OMA1: variants seen among roughly 807,000 people sequenced by gnomAD.
OMA1 encodes the protein OMA1 zinc metallopeptidase.
In OMA1, 38 loss-of-function variants were observed where a neutral mutation model predicts 30.9. That is an observed-to-expected ratio of 1.23 (90% CI 0.95 to 1.61). The LOEUF (loss-of-function observed/expected upper bound fraction) is 1.61, where lower values mean the gene tolerates loss of function less well. Among genes scored for constraint, OMA1 ranks in the 40% most tolerant of loss-of-function variants. The pLI is 0.00. For synonymous variants in OMA1, 173 were observed against 121.9 expected, an observed-to-expected ratio of 1.42 and a Z score of -2.76; for missense variants, 461 against 349.2, an observed-to-expected ratio of 1.32 and a Z score of -2.55.
intron 8 of OMA1, among the ~76,000 whole-genome samples, chr1:58,482,254 C>T (rs1359873499): frequency 1.3e-5 from 2 of 151,998 alleles, no homozygotes; most frequent in South Asian, 2.1e-4. Flanking sequence ...ATAATTAAGG[C>T]CCAAAATTGA....
intron 5 of OMA1, among the ~76,000 whole-genome samples, chr1:58,533,750 T>A (rs1272281909): frequency 1.3e-5 from 2 of 152,294 alleles, no homozygotes; most frequent in Non-Finnish European, 2.9e-5. Context: ...AGAAAAATAT[T>A]ATTCAGTATC....
chr1:58,542,799 C>T (rs1266105960), intron 1 of OMA1, among the ~76,000 whole-genome samples: 2 of 152,106 alleles, frequency 1.3e-5, no homozygotes, highest in African/African-American at 2.4e-5. Context: ...CAGGCTTAGA[C>T]GGCCACATTC....
At chr1:58,512,617 C>T (rs187053171) in intron 7 of OMA1, among the ~76,000 whole-genome samples, 2 of 152,260 alleles carry the variant, frequency 1.3e-5, no homozygotes, top group Admixed American at 1.3e-4. Flanking sequence ...ACCTTGAGGA[C>T]ATTAAGCTAA....
intron 8 of OMA1, among the ~76,000 whole-genome samples, chr1:58,488,836 T>A (rs1645622973): frequency 6.6e-6 from 1 of 152,260 alleles, no homozygotes; most frequent in Admixed American, 6.5e-5. Context: ...TGCCTTTGCA[T>A]CCTCATAGCT....
rs1381935418 is a variant in OMA1 at position 58,504,408 on chromosome 1, C to T, written c.1365+1652G>A. ...TCCACACAGCTAAAGGACTTGCTCC[C>T]GTGCTTCCTTCCGGATTCTGATTAG... On this transcript the variant is annotated intron_variant, in intron 8 of 8. Coordinates refer to ENST00000371226, the MANE Select transcript of OMA1 (RefSeq NM_145243.5). 2.0e-5 allele frequency among the ~76,000 whole-genome samples: 3 copies of T among 152,300 alleles called. No individual in the cohort carries two copies. In the South Asian group the frequency reaches 6.2e-4, roughly 32 times the overall value.
At chr1:58,534,119 A>T (rs1646479566) in intron 4 of OMA1, 39 bp downstream of exon 4, 3 of 867,902 alleles carry the variant, frequency 3.5e-6, no homozygotes, top group Non-Finnish European at 6.0e-6. Context: ...AAGGACAATA[A>T]ATTTAACAAT....
chr1:58,509,439 T>G (rs934282297), intron 7 of OMA1, among the ~76,000 whole-genome samples: 16 of 150,220 alleles, frequency 1.1e-4, no homozygotes, highest in South Asian at 2.1e-4. Context: ...GAAAATGATT[T>G]TGAGACAAAT....
At chr1:58,482,878 G>A (rs977721184) in intron 8 of OMA1, among the ~76,000 whole-genome samples, 1 of 152,114 alleles carries the variant, frequency 6.6e-6, no homozygotes, top group Non-Finnish European at 1.5e-5. Flanking sequence ...GACCTCACAG[G>A]TCATGCTAAG....
intron 7 of OMA1, among the ~76,000 whole-genome samples, chr1:58,524,268 C>T (rs550449428): frequency 2.0e-5 from 3 of 152,294 alleles, no homozygotes; most frequent in Non-Finnish European, 4.4e-5. Flanking sequence ...TTCTCCTTAA[C>T]GATTTTCTTA....
chr1:58,536,370 G>A (rs1557458284), intron 3 of OMA1, 143 bp downstream of exon 3: 5 of 606,952 alleles, frequency 8.2e-6, no homozygotes, highest in African/African-American at 1.9e-5. Context: ...AGTGTGAAAG[G>A]TCTGAGGCCT....
chr1:58,510,736 A>AC (rs1443061016), intron 7 of OMA1, among the ~76,000 whole-genome samples: 3 of 151,266 alleles, frequency 2.0e-5, no homozygotes, highest in Non-Finnish European at 2.9e-5. Flanking sequence ...CCACACACAC[A>AC]AAAAAAAACC....
At position 58,536,493 on chromosome 1, in the gene OMA1, A is replaced by G. The variant is rs764691914; in HGVS notation, c.729+20T>C. ...GTGTTATATTAAGCAGTCTAATTAA[A>G]AACAACTCTTACTACTTACTGCTTC... On this transcript the variant is annotated intron_variant, in intron 3 of 8. Coordinates refer to ENST00000371226, the MANE Select transcript of OMA1 (RefSeq NM_145243.5). 4.7e-6 allele frequency: 4 copies of G among 855,678 alleles called. No individual in the cohort carries two copies. The African/African-American group carries it at 6.6e-5, about 14-fold the overall frequency. 53.0% of individuals were successfully genotyped at this position (855,678 alleles called of 1,614,324 possible).
At chr1:58,515,040 C>T (rs1251109964) in intron 7 of OMA1, among the ~76,000 whole-genome samples, 2 of 152,192 alleles carry the variant, frequency 1.3e-5, no homozygotes, top group African/African-American at 4.8e-5. Context: ...CTACAATCAT[C>T]ATTGTCATCA....
intron 8 of OMA1, among the ~76,000 whole-genome samples, chr1:58,491,642 C>A (rs1317273067): frequency 1.3e-5 from 2 of 152,000 alleles, no homozygotes; most frequent in African/African-American, 4.8e-5. Context: ...AGACTTTAAA[C>A]CAACAAAGAT....
chr1:58,533,950 T>C lies in OMA1; in HGVS notation c.1011+3A>G. 1.1e-6 allele frequency: 1 copy of C among 872,144 alleles called. No homozygotes were observed. Among genetic ancestry groups the C allele is most frequent in the Middle Eastern group, 2.2e-4 (1 of 4,604 alleles). 54.0% of individuals were successfully genotyped at this position (872,144 alleles called of 1,614,324 possible). On this transcript the variant is annotated splice_donor_region_variant and intron_variant, in intron 5 of 8. Transcript: ENST00000371226. ...AACCTGAACATTCATTTTAGGTACT[T>C]ACAGCATGCCCAAGTACTGCATGTG...
chr1:58,498,758 T>A (rs1218828300), intron 8 of OMA1, among the ~76,000 whole-genome samples: 1 of 152,184 alleles, frequency 6.6e-6, no homozygotes, highest in Admixed American at 6.5e-5. Context: ...CTCAGAGATG[T>A]GTTCATTTTA....
At chr1:58,536,386 A>G (rs1431348850) in intron 3 of OMA1, 127 bp downstream of exon 3, 11 of 572,882 alleles carry the variant, frequency 1.9e-5, no homozygotes, top group South Asian at 6.5e-5. Flanking sequence ...GGCCTTCGGG[A>G]AAAAAAAATG....
chr1:58,499,493 GATAGATAGATAGATAA>G (rs1343029717), intron 8 of OMA1, among the ~76,000 whole-genome samples: 6 of 149,554 alleles, frequency 4.0e-5, no homozygotes, highest in African/African-American at 1.3e-4. Context: ...TAGATAGATA[GATAGATAGATAGATAA>G]ATAGATAGAT....
intron 5 of OMA1, among the ~76,000 whole-genome samples, chr1:58,532,852 G>A (rs979638259): frequency 1.3e-5 from 2 of 152,136 alleles, no homozygotes; most frequent in African/African-American, 4.8e-5. Flanking sequence ...AAATCTTCCT[G>A]TAACTCAAAA....
Sources: gnomAD v4.1 joint callset for allele counts (sites outside exome capture counted in the v4.1 genomes callset) on GRCh38, gnomAD v4.1.1 for gene constraint, MANE v1.5 for transcripts, NCBI Gene and HGNC (gene_info 2026-07-23, HGNC 2026-07-21) for gene names.